The following NCKAP5 variants were observed in gnomAD, a reference collection of about 807,000 sequenced individuals.
NCKAP5 encodes the protein NCK associated protein 5.
In NCKAP5, 92 loss-of-function variants were observed where a neutral mutation model predicts 167.0. The observed-to-expected ratio is 0.55, with a 90% CI of 0.47 to 0.66. NCKAP5 has a LOEUF of 0.66. Among genes scored for constraint, NCKAP5 ranks in the 30% least tolerant of loss-of-function variants. The pLI is 0.00. For synonymous variants in NCKAP5, 891 were observed against 877.4 expected (o/e 1.02, Z -0.27); for missense variants, 2,378 against 2,315.0 (o/e 1.03, Z -0.56).
intron 5 of NCKAP5, among the ~76,000 whole-genome samples, chr2:133,135,150 G>T (rs116493285): frequency 6.6e-6 from 1 of 152,344 alleles, no homozygotes; most frequent in Non-Finnish European, 1.5e-5. Context: ...TGTTAATTAA[G>T]AGTATGCTGA....
intron 2 of NCKAP5, among the ~76,000 whole-genome samples, chr2:133,519,927 C>T (rs1469213794): frequency 6.6e-6 from 1 of 152,172 alleles, no homozygotes; most frequent in Non-Finnish European, 1.5e-5. Context: ...GTGGCTCACA[C>T]CTGTCATCCC....
chr2:133,179,993 C>T (rs1177585792), intron 5 of NCKAP5, among the ~76,000 whole-genome samples: 1 of 151,574 alleles, frequency 6.6e-6, no homozygotes, highest in African/African-American at 2.4e-5. Flanking sequence ...CAGAGTAAAC[C>T]CCAAACAGGT....
chr2:132,926,089 C>T, intron 8 of NCKAP5: 1 of 263,414 alleles, frequency 3.8e-6, no homozygotes, highest in South Asian at 3.8e-5. Context: ...ACTTTAGGTC[C>T]ATGTGTACAC....
intron 8 of NCKAP5, among the ~76,000 whole-genome samples, chr2:132,940,046 A>T (rs1475644321): frequency 6.6e-6 from 1 of 152,044 alleles, no homozygotes; most frequent in Non-Finnish European, 1.5e-5. Flanking sequence ...CCGCATCCCA[A>T]CCTTACCTTC....
chr2:132,816,510 C>T (rs1249160819), intron 11 of NCKAP5, among the ~76,000 whole-genome samples: 2 of 152,128 alleles, frequency 1.3e-5, no homozygotes, highest in Non-Finnish European at 2.9e-5. Context: ...GAAAGGCACT[C>T]CTCCCTTGAC....
intron 10 of NCKAP5, among the ~76,000 whole-genome samples, chr2:132,861,381 C>A (rs920529580): frequency 1.3e-5 from 2 of 152,080 alleles, no homozygotes; most frequent in Admixed American, 6.5e-5. Flanking sequence ...ACTTAAATAT[C>A]TATGCCCTTT....
At chr2:132,960,017 T>C (rs1456613290) in intron 8 of NCKAP5, among the ~76,000 whole-genome samples, 2 of 152,014 alleles carry the variant, frequency 1.3e-5, no homozygotes, top group African/African-American at 4.8e-5. Context: ...CAAATTACAA[T>C]TGAAGCCCAG....
Position 132,781,099 on chromosome 2 carries a change from T to C in NCKAP5, c.5002A>G (p.Lys1668Glu). 2.5e-6 allele frequency: 4 copies of C among 1,613,794 alleles called. No homozygotes were observed. Among genetic ancestry groups the C allele is most frequent in the Non-Finnish European group, 3.4e-6 (4 of 1,179,814 alleles). ...ATATCGGCTTTGATTTTCATGTTTT[T>C]CTTGTGGTTTCCTTGAGTACTGATA... ...SSISTQGNHK[K>E]NMKIKADMEV... Residue 1668 changes from lysine to glutamate, a missense_variant, in exon 15 of 20, where the codon AAA becomes GAA. Around this residue, in one of 3 missense-constraint regions of NCKAP5, gnomAD observed 1,325 missense variants for 1,274.5 expected, o/e 1.04. Coordinates refer to ENST00000409261, the MANE Select transcript of NCKAP5 (RefSeq NM_207363.3).
chr2:133,088,838 C>T (rs988556862), intron 6 of NCKAP5, among the ~76,000 whole-genome samples: 2 of 152,112 alleles, frequency 1.3e-5, no homozygotes, highest in African/African-American at 4.8e-5. Context: ...CTCGCACCTA[C>T]CTATAATGAA....
intron 3 of NCKAP5, among the ~76,000 whole-genome samples, chr2:133,448,828 C>T (rs1691372568): frequency 6.6e-6 from 1 of 152,052 alleles, no homozygotes; most frequent in East Asian, 1.9e-4. Context: ...ATTCTATGGA[C>T]GAGGTCTCAC....
At chr2:132,957,160 G>A (rs192292073) in intron 8 of NCKAP5, among the ~76,000 whole-genome samples, 11 of 152,128 alleles carry the variant, frequency 7.2e-5, no homozygotes, top group East Asian at 1.9e-4. Context: ...TCAACTTAAC[G>A]CGGGCAAAAA....
chr2:132,878,613 TACACACACACAC>T lies in NCKAP5; in HGVS notation c.648+223_648+234del, dbSNP rs10544477. On this transcript the variant is annotated intron_variant, in intron 9 of 19. Transcript: ENST00000409261. ...GGAATTAGGGAGGGAGGGGGGCAGA[TACACACACACAC>T]ACACACACACACACACACACACACA... Among the ~76,000 whole-genome samples, 262 of 131,984 alleles carry T rather than the reference TACACACACACAC, an allele frequency of 2.0e-3. 3 individuals are homozygous for T. The South Asian group carries it at 0.035, about 18-fold the overall frequency. 86.6% of individuals were successfully genotyped at this position (131,984 alleles called of 152,430 possible).
intron 2 of NCKAP5, among the ~76,000 whole-genome samples, chr2:133,547,646 AACAGACCT>A (rs1425789917): frequency 6.6e-6 from 1 of 151,558 alleles, no homozygotes; most frequent in African/African-American, 2.4e-5. Flanking sequence ...AGGGTATTCC[AACAGACCT>A]ACAGCTGAGG....
intron 4 of NCKAP5, among the ~76,000 whole-genome samples, chr2:133,219,971 C>A (rs984228549): frequency 5.3e-5 from 8 of 152,264 alleles, no homozygotes; most frequent in African/African-American, 1.4e-4. Context: ...ATTTTCAAAC[C>A]TCCATGGTCC....
chr2:133,368,523 T>G (rs1262088100), intron 3 of NCKAP5, among the ~76,000 whole-genome samples: 6 of 152,328 alleles, frequency 3.9e-5, no homozygotes, highest in Non-Finnish European at 5.9e-5. Flanking sequence ...GCGGTTCACA[T>G]GTAATTTAGT....
At chr2:132,911,788 A>C (rs1340562942) in intron 8 of NCKAP5, among the ~76,000 whole-genome samples, 1 of 152,184 alleles carries the variant, frequency 6.6e-6, no homozygotes. Context: ...TCTGCAGCAC[A>C]AAAAGGAAAA....
At chr2:133,485,289 C>T (rs560829015) in intron 3 of NCKAP5, among the ~76,000 whole-genome samples, 2 of 152,230 alleles carry the variant, frequency 1.3e-5, no homozygotes, top group South Asian at 4.1e-4. Flanking sequence ...CTTTCCTCCC[C>T]CCGACAGCAC....
At position 133,045,050 on chromosome 2, in the gene NCKAP5, T is replaced by C. The variant is rs527696719; in HGVS notation, c.342-50811A>G. Among the ~76,000 whole-genome samples the C allele has an allele frequency of 4.6e-5, 6 of 130,278 alleles. No homozygotes were observed. In the East Asian group the frequency reaches 6.5e-4, roughly 14 times the overall value. The allele number at this position is 130,278 out of a possible 152,430, so 85.5% of individuals were successfully genotyped here. A position where few individuals can be genotyped will look rare whatever the true frequency, so the allele number is the denominator to read the frequency against. ...GCCTGGGAAACAAAGCAAGGCTCTG[T>C]AGAAAGAAGAAAAAAAAAAGAAAGA... On this transcript the variant is annotated intron_variant, in intron 6 of 19. Transcript: ENST00000409261.
chr2:132,801,925 G>A (rs1424544289), intron 11 of NCKAP5, among the ~76,000 whole-genome samples: 1 of 152,186 alleles, frequency 6.6e-6, no homozygotes, highest in African/African-American at 2.4e-5. Context: ...GCAGAGACTG[G>A]AGACTGAGGT....
Sources: allele counts gnomAD v4.1 joint callset (sites outside exome capture counted in the v4.1 genomes callset), GRCh38; gene constraint gnomAD v4.1.1; regional missense constraint gnomAD v4.1.1; transcripts MANE v1.5; gene names NCBI Gene and HGNC (gene_info 2026-07-23, HGNC 2026-07-21).